The following TAP1 variants were observed in gnomAD, a reference collection of about 807,000 sequenced individuals.
The protein encoded by TAP1 is antigen peptide transporter 1.
In TAP1, 56 loss-of-function variants were observed where a neutral mutation model predicts 79.3. That is an observed-to-expected ratio of 0.71 (90% CI 0.57 to 0.88). TAP1 has a LOEUF of 0.88. TAP1 is among the 40% of genes least tolerant of loss of function. TAP1 has a pLI of 0.00. For missense variants in TAP1, 737 were observed against 936.3 expected, an observed-to-expected ratio of 0.79 and a Z score of 2.78; for synonymous variants, 355 against 401.4, an observed-to-expected ratio of 0.88 and a Z score of 1.38.
Position 32,850,408 on chromosome 6 carries a change from G to A in TAP1, c.1160C>T (p.Ala387Val), listed in dbSNP as rs772241365. The A allele has an allele frequency of 6.2e-7, 1 of 1,614,126 alleles. No individual in the cohort carries two copies. The highest frequency in any genetic ancestry group is 2.2e-5 in the East Asian group (1 of 44,902). ...TTGCAGCTTTTCCCTAAACTTCTGG[G>A]CTTCGCCCTCCTCGTTGGCAAAGCT... ...VRSFANEEGE[A>V]QKFREKLQEI... The change falls in exon 5 of 11, where the codon GCC (alanine) becomes GTC (valine). Residue 387 changes from alanine (A) to valine (V), a missense_variant. This residue lies in a region of TAP1 where 406 missense variants were observed against 477.2 expected (regional missense o/e 0.85). Coordinates refer to ENST00000354258, the MANE Select transcript of TAP1 (RefSeq NM_000593.6). The surrounding 1 kb of genome is among the most constrained non-coding windows in gnomAD (Gnocchi z 5.5).
Position 32,850,851 on chromosome 6 carries a change from G to C in TAP1, c.1050+93C>G. ...GATGGAGAATCAGTAAGGGTGCCAGGAAAGCTGGACTGAAAGCAATGTGAG... is the reference window on the plus strand; with the variant it reads ...GATGGAGAATCAGTAAGGGTGCCAGCAAAGCTGGACTGAAAGCAATGTGAG... On this transcript the variant is annotated intron_variant, in intron 4 of 10. Coordinates refer to ENST00000354258, the MANE Select transcript of TAP1 (RefSeq NM_000593.6). The surrounding 1 kb of genome is among the most constrained non-coding windows in gnomAD (Gnocchi z 5.5). 1 of 1,203,640 alleles carries C rather than the reference G, an allele frequency of 8.3e-7. No individual in the cohort carries two copies. Among genetic ancestry groups the C allele is most frequent in the Non-Finnish European group, 1.2e-6 (1 of 808,992 alleles). 74.6% of individuals were successfully genotyped at this position (1,203,640 alleles called of 1,614,324 possible). A position where few individuals can be genotyped will look rare whatever the true frequency, so the allele number is the denominator to read the frequency against.
rs1770913882 is a variant in TAP1, at chr6:32,853,250, C to T, written c.387G>A (p.Arg129=). 1.2e-6 allele frequency: 2 copies of T among 1,602,514 alleles called. No homozygotes were observed. Among genetic ancestry groups the T allele is most frequent in the Non-Finnish European group, 1.7e-6 (2 of 1,174,468 alleles). ...TAGGGTGACTTCCCCAGTGCAGTAG[C>T]CTGGTGCTATCCGCGGACCCGGGGG... ...WGAPGSADST[R]LLHWGSHPTA... is the part of the protein sequence containing the mutation. The change falls in exon 1 of 11, where the codon AGG becomes AGA. Residue 129 remains arginine, a synonymous_variant. Coordinates refer to ENST00000354258, the MANE Select transcript of TAP1 (RefSeq NM_000593.6). This position sits in a 1 kb window ranked among gnomAD's most constrained non-coding sequence, Gnocchi z 8.3.
rs1214760810 is a variant in TAP1 at position 32,850,480 on chromosome 6, G to T, written c.1088C>A (p.Ser363Tyr). 3.1e-6 allele frequency: 5 copies of T among 1,613,786 alleles called. No homozygotes were observed. In the South Asian group the frequency reaches 3.3e-5, roughly 11 times the overall value. The change falls in exon 5 of 11, where the codon TCC (serine) becomes TAC (tyrosine). Residue 363 changes from serine to tyrosine, a missense_variant. By Grantham distance (144) the Ser-to-Tyr change is moderately radical. Transcript: ENST00000354258. This position sits in a 1 kb window ranked among gnomAD's most constrained non-coding sequence, Gnocchi z 5.5. Reference sequence around the variant, plus strand: ...CAGAGCCTCAATGGCCACCTGGCTGGACTTTGCCAGAGATTCCCGCACCTG... The same window carrying T: ...CAGAGCCTCAATGGCCACCTGGCTGTACTTTGCCAGAGATTCCCGCACCTG... The part of the protein sequence containing the change: ...EVQVRESLAK[S>Y]SQVAIEALSA...
chr6:32,846,923 G>T, intron 10 of TAP1, 145 bp downstream of exon 10: 1 of 1,189,126 alleles, frequency 8.4e-7, no homozygotes. Flanking sequence ...CTACTCCTTG[G>T]GGAGGCATCC....
rs767095049 is a variant in TAP1 at position 32,847,559 on chromosome 6, A to T, written c.1857T>A (p.Ser619=). Reference sequence around the variant, plus strand: ...GTCCAGAGATGAAACTATGGGCCCCAGACTTTACTGCAGCAGCTGTGATTT... The same window carrying T: ...GTCCAGAGATGAAACTATGGGCCCCTGACTTTACTGCAGCAGCTGTGATTT... ...MEEITAAAVK[S]GAHSFISGLP... Residue 619 remains serine, a synonymous_variant, in exon 9 of 11, where the codon TCT becomes TCA. Transcript: ENST00000354258. The surrounding 1 kb of genome is among the most constrained non-coding windows in gnomAD (Gnocchi z 4.7). 3.1e-6 allele frequency: 5 copies of T among 1,614,030 alleles called. No individual in the cohort carries two copies. The highest frequency in any genetic ancestry group is 4.2e-6 in the Non-Finnish European group (5 of 1,180,024).
In TAP1 at chr6:32,852,469, A is replaced by T; in HGVS notation, c.632T>A (p.Leu211His). The T allele has an allele frequency of 6.2e-7, 1 of 1,613,054 alleles. No individual in the cohort carries two copies. The highest frequency in any genetic ancestry group is 8.5e-7 in the Non-Finnish European group (1 of 1,180,024). The change falls in exon 2 of 11, where the codon CTC becomes CAC. Residue 211 changes from leucine to histidine, a missense_variant. Leu to His is a moderately conservative substitution (Grantham distance 99). This residue lies in a region of TAP1 where 406 missense variants were observed against 477.2 expected (regional missense o/e 0.85). Coordinates refer to ENST00000354258, the MANE Select transcript of TAP1 (RefSeq NM_000593.6). The surrounding 1 kb of genome is among the most constrained non-coding windows in gnomAD (Gnocchi z 4.8). Reference protein sequence around the residue: ...EMAIPFFTGRLTDWILQDGSA... With the variant: ...EMAIPFFTGRHTDWILQDGSA... ...GCCATCTTGTAGAATCCAGTCAGTG[A>T]GGCGGCCCGTAAAGAATGGAATGGC...
Position 32,850,621 on chromosome 6 carries a change from A to G in TAP1, c.1051-104T>C. On this transcript the variant is annotated intron_variant, in intron 4 of 10. Coordinates refer to ENST00000354258, the MANE Select transcript of TAP1 (RefSeq NM_000593.6). The surrounding 1 kb of genome is among the most constrained non-coding windows in gnomAD (Gnocchi z 5.5). Reference sequence around the variant, plus strand: ...AATTAAAGGTGAGAAGAGACAGAGGAAAAGGAGAAAAGAGAAAGAGACACA... The same window carrying G: ...AATTAAAGGTGAGAAGAGACAGAGGGAAAGGAGAAAAGAGAAAGAGACACA... 3 of 1,025,188 alleles carry G rather than the reference A, an allele frequency of 2.9e-6. No homozygotes were observed. Among genetic ancestry groups the G allele is most frequent in the Non-Finnish European group, 4.4e-6 (3 of 675,592 alleles). 63.5% of individuals were successfully genotyped at this position (1,025,188 alleles called of 1,614,324 possible). A position where few individuals can be genotyped will look rare whatever the true frequency, so the allele number is the denominator to read the frequency against.
chr6:32,849,184 G>C, intron 5 of TAP1, 66 bp from the exon 6 acceptor site: 1 of 1,539,194 alleles, frequency 6.5e-7, no homozygotes, highest in Admixed American at 2.0e-5. Flanking sequence ...AAGAACCGCA[G>C]TCATTAACCT....
chr6:32,849,612 G>A (rs949833891), intron 5 of TAP1: 36 of 195,990 alleles, frequency 1.8e-4, no homozygotes, highest in Middle Eastern at 2.5e-3. Context: ...TTAGCCGGGC[G>A]TGGTGGCGGG....
chr6:32,848,666 C>T lies in TAP1; in HGVS notation c.1552G>A (p.Val518Ile), dbSNP rs41561219. 46,742 of 1,613,974 alleles carry T rather than the reference C, an allele frequency of 0.029. 785 individuals carry two copies. Among genetic ancestry groups the T allele is most frequent in the South Asian group, 0.037 (3,401 of 91,072 alleles). The change falls in exon 7 of 11, where the codon GTC becomes ATC. Residue 518 changes from valine to isoleucine, a missense_variant. Coordinates refer to ENST00000354258, the MANE Select transcript of TAP1 (RefSeq NM_000593.6). ...VSFAYPNRPD[V>I]LVLQGLTFTL... is the part of the protein sequence containing the mutation. ...GTAGGTTGTACCTGTAGCACTAAGA[C>T]ATCTGGGCGGTTTGGGTAGGCAAAG...
At chr6:32,849,150 G>A (rs920793665) in intron 5 of TAP1, 32 bp from the exon 6 acceptor site, 2 of 1,561,336 alleles carry the variant, frequency 1.3e-6, no homozygotes, top group East Asian at 2.3e-5. Flanking sequence ...AGGGACTGAG[G>A]TAGAGAAATC....
In TAP1 at chr6:32,845,435, G is replaced by T; in HGVS notation, c.*144C>A. 1.3e-6 allele frequency: 1 copy of T among 786,714 alleles called. No individual in the cohort carries two copies. The highest frequency in any genetic ancestry group is 1.7e-5 in the African/African-American group (1 of 58,310). 48.7% of individuals were successfully genotyped at this position (786,714 alleles called of 1,614,324 possible). ...TACTCCAGGAAGTCTGCATTATCAC[G>T]AGGAGCTTGGAAAGGAGGTAACACA... On this transcript the variant is annotated 3_prime_UTR_variant, in exon 11 of 11. Coordinates refer to ENST00000354258, the MANE Select transcript of TAP1 (RefSeq NM_000593.6). The surrounding 1 kb of genome is among the most constrained non-coding windows in gnomAD (Gnocchi z 4.5).
chr6:32,848,060 C>A lies in TAP1; in HGVS notation c.1599G>T (p.Val533=). 3 of 1,612,450 alleles carry A rather than the reference C, an allele frequency of 1.9e-6. No individual in the cohort carries two copies. The highest frequency in any genetic ancestry group is 2.5e-6 in the Non-Finnish European group (3 of 1,179,718). Residue 533 remains valine, a synonymous_variant, in exon 8 of 11, where the codon GTG becomes GTT. Transcript: ENST00000354258. ...ACCCATTGGGTCCCACCAGCGCCGT[C>A]ACCTCGCCAGGGCGTAGGGTGAATG... is the stretch of plus-strand genomic sequence containing the variant. ...GLTFTLRPGE[V]TALVGPNGSG...
Position 32,852,660 on chromosome 6 carries a change from G to T in TAP1, c.599-158C>A. On this transcript the variant is annotated intron_variant, in intron 1 of 10. Coordinates refer to ENST00000354258, the MANE Select transcript of TAP1 (RefSeq NM_000593.6). The surrounding 1 kb of genome is among the most constrained non-coding windows in gnomAD (Gnocchi z 4.8). ...TCTCAATCCCGAACCTAAATAGGCT[G>T]CCCTGGAACTCACTACCCTGTGGTT... The T allele has an allele frequency of 2.0e-6, 3 of 1,523,300 alleles. No individual in the cohort carries two copies. Among genetic ancestry groups the T allele is most frequent in the Non-Finnish European group, 2.6e-6 (3 of 1,137,554 alleles). The allele number at this position is 1,523,300 out of a possible 1,614,324, so 94.4% of individuals were successfully genotyped here.
Position 32,852,956 on chromosome 6 carries a change from G to A in TAP1, c.598+83C>T. The A allele has an allele frequency of 6.6e-7, 1 of 1,520,554 alleles. No individual in the cohort carries two copies. The highest frequency in any genetic ancestry group is 8.8e-7 in the Non-Finnish European group (1 of 1,136,752). 94.2% of individuals were successfully genotyped at this position (1,520,554 alleles called of 1,614,324 possible). A position where few individuals can be genotyped will look rare whatever the true frequency, so the allele number is the denominator to read the frequency against. On this transcript the variant is annotated intron_variant, in intron 1 of 10. Coordinates refer to ENST00000354258, the MANE Select transcript of TAP1 (RefSeq NM_000593.6). The surrounding 1 kb of genome is among the most constrained non-coding windows in gnomAD (Gnocchi z 4.8). The stretch of plus-strand genomic sequence containing the variant: ...CTGCTCCACATTTCCCAGAACCCAC[G>A]CTACTCTACCTTACTGACAATTACC...
In TAP1 at chr6:32,852,076, C is replaced by T; in HGVS notation, c.844+33G>A. ...CAGATGTATGAGGATATGAACAGTA[C>T]ATGGCGTATAATGAAAGAGTTTCAG... On this transcript the variant is annotated intron_variant, in intron 3 of 10. Transcript: ENST00000354258. The surrounding 1 kb of genome is among the most constrained non-coding windows in gnomAD (Gnocchi z 4.8). 6.2e-7 allele frequency: 1 copy of T among 1,612,726 alleles called. No individual in the cohort carries two copies. Among genetic ancestry groups the T allele is most frequent in the East Asian group, 2.2e-5 (1 of 44,864 alleles).
chr6:32,848,522 G>C, intron 7 of TAP1, 130 bp downstream of exon 7: 1 of 1,034,764 alleles, frequency 9.7e-7, no homozygotes, highest in South Asian at 1.3e-5. Flanking sequence ...AACAGATGAT[G>C]CCTACCATTG....
rs1305284778 is a variant in TAP1, at chr6:32,850,311, G to T, written c.1248+9C>A. On this transcript the variant is annotated intron_variant, in intron 5 of 10. Coordinates refer to ENST00000354258, the MANE Select transcript of TAP1 (RefSeq NM_000593.6). The surrounding 1 kb of genome is among the most constrained non-coding windows in gnomAD (Gnocchi z 5.5). Reference sequence around the variant, plus strand: ...ACAAGGGAATGGGTATTCATCTTCAGGTGCTCACACTAGTGGTCCAGGAGT... The same window carrying T: ...ACAAGGGAATGGGTATTCATCTTCATGTGCTCACACTAGTGGTCCAGGAGT... 1.2e-6 allele frequency: 2 copies of T among 1,613,950 alleles called. No individual in the cohort carries two copies. Among genetic ancestry groups the T allele is most frequent in the Admixed American group, 3.3e-5 (2 of 60,016 alleles).
rs55702652 is a variant in TAP1 at position 32,853,214 on chromosome 6, A to G, written c.423T>C (p.Val141=). 50,234 of 1,611,216 alleles carry G rather than the reference A, an allele frequency of 0.031. 955 individuals are homozygous for G. The highest frequency in any genetic ancestry group is 0.061 in the South Asian group (5,547 of 90,676). Residue 141 remains valine, a synonymous_variant, in exon 1 of 11, where the codon GTT becomes GTC. Coordinates refer to ENST00000354258, the MANE Select transcript of TAP1 (RefSeq NM_000593.6). This position sits in a 1 kb window ranked among gnomAD's most constrained non-coding sequence, Gnocchi z 8.3. ...CGGGCAGTGCCGCTGCATAACTGAC[A>G]ACGAAGGCGGTAGGGTGACTTCCCC... ...LHWGSHPTAF[V]VSYAAALPAA...
Sources: allele counts gnomAD v4.1 joint callset, GRCh38; gene constraint gnomAD v4.1.1; regional missense constraint gnomAD v4.1.1; non-coding constraint Gnocchi (gnomAD v3.1); transcripts MANE v1.5; gene names NCBI Gene and HGNC (gene_info 2026-07-23, HGNC 2026-07-21).